Variants in HECW1 observed in about 807,000 individuals in gnomAD.
HECW1 encodes the protein HECT, C2 and WW domain containing E3 ubiquitin protein ligase 1, also known as E3 ubiquitin-protein ligase HECW1.
A neutral mutation model predicts 182.3 loss-of-function variants in HECW1; 61 were observed. The ratio of observed to expected loss-of-function variants is 0.33; its 90% CI spans 0.27 to 0.41. The LOEUF is 0.41. Among genes scored for constraint, HECW1 ranks in the 10% least tolerant of loss-of-function variants. The pLI, the probability that HECW1 is intolerant of heterozygous loss-of-function variation, is 1.00. For missense variants in HECW1, 1,739 were observed against 2,108.9 expected (o/e 0.82, Z 3.44); for synonymous variants, 859 against 832.6 (o/e 1.03, Z -0.55).
Position 43,147,975 on chromosome 7 carries a change from A to G in HECW1, c.-32+33584A>G, listed in dbSNP as rs574119081. Among the ~76,000 whole-genome samples the G allele has an allele frequency of 5.2e-5, 8 of 152,388 alleles. No individual in the cohort carries two copies. The South Asian group carries it at 1.0e-3, about 20-fold the overall frequency. On this transcript the variant is annotated intron_variant, in intron 2 of 29. Transcript: ENST00000395891. ...TATTTAGTGATAGTGGGCAATTTGC[A>G]AAGCTCATCCCCCAAAGGCATAATA... is the stretch of plus-strand genomic sequence containing the variant.
Position 43,160,792 on chromosome 7 carries a change from T to G in HECW1, c.-32+46401T>G, listed in dbSNP as rs187900749. On this transcript the variant is annotated intron_variant, in intron 2 of 29. Transcript: ENST00000395891. ...CTCCTATTTCTTTCACAAAGGCCAA[T>G]AAAATTGTATCAAATTTCACCTCAG... Among the ~76,000 whole-genome samples the G allele has an allele frequency of 9.2e-5, 14 of 152,318 alleles. No homozygotes were observed. In the East Asian group the frequency reaches 1.7e-3, roughly 19 times the overall value.
At chr7:43,491,055 T>C (rs1030472077) in intron 17 of HECW1, among the ~76,000 whole-genome samples, 1 of 152,172 alleles carries the variant, frequency 6.6e-6, no homozygotes, top group African/African-American at 2.4e-5. Context: ...ACTGGCAAAA[T>C]TGAGCTAATT....
chr7:43,141,708 G>A (rs1788173561), intron 2 of HECW1, among the ~76,000 whole-genome samples: 1 of 152,164 alleles, frequency 6.6e-6, no homozygotes, highest in Admixed American at 6.5e-5. Flanking sequence ...ATGTTGGTCA[G>A]GCTGGTCTTG....
intron 3 of HECW1, among the ~76,000 whole-genome samples, chr7:43,267,307 C>T (rs1584253915): frequency 6.6e-6 from 1 of 152,120 alleles, no homozygotes; most frequent in East Asian, 1.9e-4. Context: ...TACAATTAGA[C>T]ATTAATGATT....
intron 5 of HECW1, among the ~76,000 whole-genome samples, chr7:43,341,079 T>C (rs575056566): frequency 1.6e-4 from 24 of 151,772 alleles, no homozygotes; most frequent in African/African-American, 5.8e-4. Flanking sequence ...AAACACTGCA[T>C]GTTCTCACTC....
intron 3 of HECW1, among the ~76,000 whole-genome samples, chr7:43,309,889 A>G (rs1188398142): frequency 6.6e-6 from 1 of 152,206 alleles, no homozygotes; most frequent in Non-Finnish European, 1.5e-5. Context: ...CATTACCAGT[A>G]ATATCTTAGC....
At chr7:43,474,700 T>C (rs2078156215) in intron 16 of HECW1, among the ~76,000 whole-genome samples, 1 of 152,200 alleles carries the variant, frequency 6.6e-6, no homozygotes, top group Non-Finnish European at 1.5e-5. Context: ...TTAAATAATA[T>C]AACTTTATGT....
chr7:43,351,260 G>A lies in HECW1; in HGVS notation c.461-9626G>A, dbSNP rs183279475. Among the ~76,000 whole-genome samples, 527 of 152,268 alleles carry A rather than the reference G, an allele frequency of 3.5e-3. 1 individual carries two copies. Among genetic ancestry groups the A allele is most frequent in the African/African-American group, 0.012 (513 of 41,556 alleles). ...GCCATGAATACCAGTGCCTGTTCTG[G>A]TGGAGGTGGCAGAGGGTGCAATGGA... On this transcript the variant is annotated intron_variant, in intron 5 of 29. Transcript: ENST00000395891.
intron 3 of HECW1, among the ~76,000 whole-genome samples, chr7:43,303,927 G>A (rs890633604): frequency 6.6e-6 from 1 of 152,122 alleles, no homozygotes; most frequent in Non-Finnish European, 1.5e-5. Context: ...GATGTGAGAG[G>A]GAGAGGAGGA....
chr7:43,501,858 G>A (rs572285942), intron 21 of HECW1, among the ~76,000 whole-genome samples: 28 of 151,794 alleles, frequency 1.8e-4, no homozygotes, highest in African/African-American at 5.8e-4. Context: ...AAGAAAGAAA[G>A]AAAAGAAAAA....
chr7:43,276,734 G>A (rs1435057348), intron 3 of HECW1, among the ~76,000 whole-genome samples: 1 of 152,170 alleles, frequency 6.6e-6, no homozygotes, highest in African/African-American at 2.4e-5. Flanking sequence ...GCTGACTGAC[G>A]ATTTATAGTA....
At chr7:43,136,259 A>G (rs1787526197) in intron 2 of HECW1, among the ~76,000 whole-genome samples, 1 of 152,162 alleles carries the variant, frequency 6.6e-6, no homozygotes, top group Non-Finnish European at 1.5e-5. Context: ...GCACTTATCT[A>G]TTGAGGCATA....
rs1379884940 is a variant in HECW1, at chr7:43,199,222, C to T, written c.-31-44653C>T. ...GTTTGCCTGCCTGTCTTTAGCTCTCCGTTCAACTCACGAGTTTTGCACTTT... is the reference window on the plus strand; with the variant it reads ...GTTTGCCTGCCTGTCTTTAGCTCTCTGTTCAACTCACGAGTTTTGCACTTT... On this transcript the variant is annotated intron_variant, in intron 2 of 29. Transcript: ENST00000395891. Among the ~76,000 whole-genome samples, 4 of 152,300 alleles carry T rather than the reference C, an allele frequency of 2.6e-5. No homozygotes were observed. In the East Asian group the frequency reaches 7.7e-4, roughly 29 times the overall value.
chr7:43,304,544 G>A (rs1279697442), intron 3 of HECW1, among the ~76,000 whole-genome samples: 2 of 151,846 alleles, frequency 1.3e-5, no homozygotes, highest in African/African-American at 2.4e-5. Context: ...AGGCTGGAGT[G>A]CAGTGGCGCA....
intron 29 of HECW1, among the ~76,000 whole-genome samples, chr7:43,560,615 A>G (rs975823598): frequency 1.3e-4 from 20 of 152,110 alleles, no homozygotes; most frequent in African/African-American, 4.8e-4. Context: ...TATTCCCAAA[A>G]TAATCTCCCC....
chr7:43,442,401 A>G, intron 9 of HECW1, 128 bp from the exon 10 acceptor site: 2 of 640,262 alleles, frequency 3.1e-6, no homozygotes, highest in Non-Finnish European at 2.9e-6. Flanking sequence ...ACAGTTTTGT[A>G]TTGCTGTTGA....
At chr7:43,486,589 C>T (rs1331281567) in intron 17 of HECW1, among the ~76,000 whole-genome samples, 1 of 152,228 alleles carries the variant, frequency 6.6e-6, no homozygotes. Context: ...GCGTGAGCCA[C>T]CGTGCCTGGC....
At chr7:43,179,865 C>T (rs1015360136) in intron 2 of HECW1, among the ~76,000 whole-genome samples, 2 of 152,062 alleles carry the variant, frequency 1.3e-5, no homozygotes, top group African/African-American at 4.8e-5. Flanking sequence ...CCATGTAAAT[C>T]GACCCTGAAA....
At chr7:43,414,697 GC>G (rs1222583360) in intron 8 of HECW1, among the ~76,000 whole-genome samples, 1 of 147,730 alleles carries the variant, frequency 6.8e-6, no homozygotes, top group Non-Finnish European at 1.5e-5. Context: ...GGCTTTTTCT[GC>G]ATCTATTGAG....
Sources: allele counts gnomAD v4.1 joint callset (sites outside exome capture counted in the v4.1 genomes callset), GRCh38; gene constraint gnomAD v4.1.1; transcripts MANE v1.5; gene names NCBI Gene and HGNC (gene_info 2026-07-23, HGNC 2026-07-21).